The following USP8 variants were observed in gnomAD, a reference collection of about 807,000 sequenced individuals.
USP8 encodes ubiquitin carboxyl-terminal hydrolase 8.
A neutral mutation model predicts 130.0 loss-of-function variants in USP8; 27 were observed. The observed-to-expected ratio is 0.21, with a 90% CI of 0.15 to 0.29. The LOEUF (loss-of-function observed/expected upper bound fraction) is 0.29, where lower values mean the gene tolerates loss of function less well. USP8 is among the 10% of genes least tolerant of loss of function. The probability of loss-of-function intolerance (pLI) is 1.00; values close to 1 mark genes in which losing one functional copy is unlikely to be tolerated. For synonymous variants in USP8, 392 were observed against 444.1 expected (o/e 0.88, Z 1.48); for missense variants, 1,029 against 1,312.2 (o/e 0.78, Z 3.33).
intron 11 of USP8, among the ~76,000 whole-genome samples, chr15:50,483,335 A>G (rs955326236): frequency 2.8e-4 from 42 of 152,344 alleles, no homozygotes; most frequent in African/African-American, 9.9e-4. Context: ...TATAGGTGCC[A>G]AATATTCCTA....
In USP8 at chr15:50,465,148, A is replaced by G. The variant is rs375828318; in HGVS notation, c.643A>G (p.Ile215Val). Residue 215 changes from isoleucine to valine, a missense_variant, in exon 7 of 20, where the codon ATT becomes GTT. By Grantham distance (29) the Ile-to-Val change is conservative. Around this residue, in one of 4 missense-constraint regions of USP8, gnomAD observed 281 missense variants for 336.7 expected, o/e 0.83. Coordinates refer to ENST00000307179, the MANE Select transcript of USP8 (RefSeq NM_005154.5). ...AATGCAGGATTATCAGGATTCCTGT[A>G]TTTTACATTCTCTCAGTGTTCCTGA... ...RRMQDYQDSCILHSLSVPEEA... is the reference protein window; with the variant it reads ...RRMQDYQDSCVLHSLSVPEEA... 1 of 1,613,940 alleles carries G rather than the reference A, an allele frequency of 6.2e-7. No individual in the cohort carries two copies. The highest frequency in any genetic ancestry group is 8.5e-7 in the Non-Finnish European group (1 of 1,179,876).
In USP8 at chr15:50,490,296, T is replaced by G; in HGVS notation, c.2005T>G (p.Tyr669Asp). Residue 669 changes from tyrosine to aspartate, a missense_variant, in exon 14 of 20, where the codon TAT (tyrosine) becomes GAT (aspartate). Around this residue, in one of 4 missense-constraint regions of USP8, gnomAD observed 486 missense variants for 522.0 expected, o/e 0.93. Coordinates refer to ENST00000307179, the MANE Select transcript of USP8 (RefSeq NM_005154.5). ...CCCAATCACTGGAACCTTTCGTTAT[T>G]ATCATTCACCCACCAACACTGTTCA... ...LDPITGTFRY[Y>D]HSPTNTVHMY... The G allele has an allele frequency of 6.2e-7, 1 of 1,613,922 alleles. No homozygotes were observed. The highest frequency in any genetic ancestry group is 8.5e-7 in the Non-Finnish European group (1 of 1,179,950).
Position 50,507,007 on chromosome 15 carries a change from G to A in USP8, c.*7919G>A, listed in dbSNP as rs1170460864. 2 of 145,578 alleles carry A rather than the reference G, an allele frequency of 1.4e-5. No individual in the cohort carries two copies. The highest frequency in any genetic ancestry group is 3.0e-5 in the Non-Finnish European group (2 of 67,372). 9.0% of individuals were successfully genotyped at this position (145,578 alleles called of 1,614,324 possible). On this transcript the variant is annotated 3_prime_UTR_variant, in exon 20 of 20. Coordinates refer to ENST00000307179, the MANE Select transcript of USP8 (RefSeq NM_005154.5). ...AAAAAAAAATCCAGTTTTAGGCCAAGTGTGGTGGCTCATGCCTGTAATCCC... is the reference window on the plus strand; with the variant it reads ...AAAAAAAAATCCAGTTTTAGGCCAAATGTGGTGGCTCATGCCTGTAATCCC...
chr15:50,483,011 G>A (rs1321769287), intron 11 of USP8, among the ~76,000 whole-genome samples: 1 of 152,180 alleles, frequency 6.6e-6, no homozygotes, highest in African/African-American at 2.4e-5. Flanking sequence ...TTGGGGATAT[G>A]AAGCCCATGT....
chr15:50,441,293 T>C, intron 2 of USP8, 56 bp from the exon 3 acceptor site: 1 of 1,491,560 alleles, frequency 6.7e-7, no homozygotes. Flanking sequence ...GTATATGACC[T>C]GTATTTTTTC....
In USP8 at chr15:50,504,450, G is replaced by A. The variant is rs1379007586; in HGVS notation, c.*5362G>A. On this transcript the variant is annotated 3_prime_UTR_variant, in exon 20 of 20. Coordinates refer to ENST00000307179, the MANE Select transcript of USP8 (RefSeq NM_005154.5). Reference sequence around the variant, plus strand: ...GAGGTGGGAGAATCACCTGAGCCCAGGAGGTCGAGGCTACAGTGAGCTGTG... The same window carrying A: ...GAGGTGGGAGAATCACCTGAGCCCAAGAGGTCGAGGCTACAGTGAGCTGTG... 2 of 152,328 alleles carry A rather than the reference G, an allele frequency of 1.3e-5. No homozygotes were observed. The highest frequency in any genetic ancestry group is 4.8e-5 in the African/African-American group (2 of 41,428). 9.4% of individuals were successfully genotyped at this position (152,328 alleles called of 1,614,324 possible).
intron 4 of USP8, among the ~76,000 whole-genome samples, chr15:50,451,580 A>G (rs2050630769): frequency 6.6e-6 from 1 of 152,124 alleles, no homozygotes; most frequent in African/African-American, 2.4e-5. Context: ...TTTTAAATGT[A>G]CTTTGAATTT....
chr15:50,488,487 G>C (rs143248629), intron 12 of USP8, among the ~76,000 whole-genome samples: 59 of 149,562 alleles, frequency 3.9e-4, no homozygotes, highest in Admixed American at 9.3e-4. Flanking sequence ...TGCCTCAAGC[G>C]ATCCTCCCAC....
At chr15:50,470,301 A>G (rs2051333185) in intron 7 of USP8, among the ~76,000 whole-genome samples, 1 of 152,160 alleles carries the variant, frequency 6.6e-6, no homozygotes, top group African/African-American at 2.4e-5. Context: ...TCTTATGTTG[A>G]GTGCCTTGGA....
chr15:50,488,853 G>A (rs1239190179), intron 12 of USP8, among the ~76,000 whole-genome samples: 9 of 151,710 alleles, frequency 5.9e-5, no homozygotes, highest in East Asian at 5.8e-4. Context: ...GATTACAGGC[G>A]TGAGCCACTG....
At chr15:50,496,170 C>T (rs761730626) in intron 17 of USP8, 86 bp downstream of exon 17, 11 of 1,124,510 alleles carry the variant, frequency 9.8e-6, no homozygotes, top group Non-Finnish European at 1.1e-5. Context: ...CTGGTCTTTA[C>T]CCTTACAAAC....
At chr15:50,481,026 G>A (rs943695187) in intron 10 of USP8, among the ~76,000 whole-genome samples, 3 of 150,776 alleles carry the variant, frequency 2.0e-5, no homozygotes, top group Non-Finnish European at 4.4e-5. Flanking sequence ...GAGAGTGAGA[G>A]TGGTTACATC....
In USP8 at chr15:50,474,836, C is replaced by T. The variant is rs930217891; in HGVS notation, c.850-2013C>T. On this transcript the variant is annotated intron_variant, in intron 8 of 19. Transcript: ENST00000307179. ...TGAAGACTGTGTTTATGGCTGGCCGCGGTGGCTCACACCTGTGATCCCAGC... is the reference window on the plus strand; with the variant it reads ...TGAAGACTGTGTTTATGGCTGGCCGTGGTGGCTCACACCTGTGATCCCAGC... 3.3e-5 allele frequency among the ~76,000 whole-genome samples: 5 copies of T among 152,282 alleles called. No individual in the cohort carries two copies. The East Asian group carries it at 9.7e-4, about 29-fold the overall frequency.
At chr15:50,440,416 T>C (rs2050218563) in intron 2 of USP8, among the ~76,000 whole-genome samples, 1 of 152,210 alleles carries the variant, frequency 6.6e-6, no homozygotes, top group Non-Finnish European at 1.5e-5. Flanking sequence ...ATTTGCTTTA[T>C]CAAGATCAGT....
At chr15:50,495,487 G>GA (rs1555392695) in intron 16 of USP8, among the ~76,000 whole-genome samples, 2 of 123,770 alleles carry the variant, frequency 1.6e-5, no homozygotes, top group South Asian at 5.6e-4. Context: ...AGAGATTGGA[G>GA]GGGGGGGTCT....
chr15:50,432,597 A>G (rs2049966557), intron 1 of USP8: 1 of 152,262 alleles, frequency 6.6e-6, no homozygotes, highest in African/African-American at 2.4e-5. Flanking sequence ...TCATTGGACC[A>G]TACTTGGAGT....
chr15:50,490,179 C>T (rs2141316820), intron 13 of USP8, 84 bp from the exon 14 acceptor site: 1 of 1,353,772 alleles, frequency 7.4e-7, no homozygotes, highest in Non-Finnish European at 1.0e-6. Flanking sequence ...GTAAATTTAG[C>T]AGAATACTTT....
intron 3 of USP8, among the ~76,000 whole-genome samples, chr15:50,442,400 A>G (rs1006965085): frequency 6.6e-6 from 1 of 152,190 alleles, no homozygotes; most frequent in African/African-American, 2.4e-5. Flanking sequence ...ATTGATGACT[A>G]GGATAAGTGT....
Position 50,514,304 on chromosome 15 carries a change from A to C in USP8, c.*15216A>C, listed in dbSNP as rs2052779022. ...AGGGTGCTGGTAACATTCTGTTTAA[A>C]CTCTGTTCTGCTGGTTACATGGGTA... On this transcript the variant is annotated 3_prime_UTR_variant, in exon 20 of 20. Transcript: ENST00000307179. The C allele has an allele frequency of 6.6e-6, 1 of 151,978 alleles. No individual in the cohort carries two copies. Among genetic ancestry groups the C allele is most frequent in the African/African-American group, 2.4e-5 (1 of 41,360 alleles). 9.4% of individuals were successfully genotyped at this position (151,978 alleles called of 1,614,324 possible).
Sources: gnomAD v4.1 joint callset for allele counts (sites outside exome capture counted in the v4.1 genomes callset) on GRCh38, gnomAD v4.1.1 for gene constraint, gnomAD v4.1.1 regional missense constraint, MANE v1.5 for transcripts, NCBI Gene and HGNC (gene_info 2026-07-23, HGNC 2026-07-21) for gene names.